RELL2: variants seen among roughly 807,000 people sequenced by gnomAD.
RELL2 encodes RELT like 2.
RELL2 carries 18 observed loss-of-function variants against 27.5 expected under a neutral mutation model. That is an observed-to-expected ratio of 0.65 (90% CI 0.45 to 0.97). The LOEUF (loss-of-function observed/expected upper bound fraction) is 0.97, where lower values mean the gene tolerates loss of function less well. RELL2 is among the 50% of genes least tolerant of loss of function. The probability of loss-of-function intolerance (pLI) is 0.00; values close to 1 mark genes in which losing one functional copy is unlikely to be tolerated. For synonymous variants in RELL2, 156 were observed against 147.5 expected, an observed-to-expected ratio of 1.06 and a Z score of -0.42; for missense variants, 370 against 397.5, an observed-to-expected ratio of 0.93 and a Z score of 0.59.
rs775375686 is a variant in RELL2, at chr5:141,638,420, A to G, written c.184+11A>G. On this transcript the variant is annotated intron_variant, in intron 1 of 6. Coordinates refer to ENST00000297164, the MANE Select transcript of RELL2 (RefSeq NM_173828.5). ...CCCAGCTTCAGCCCCGTGAGTGAGG[A>G]GCCTGGAACCCTGGCTCAGTCACCT... is the stretch of plus-strand genomic sequence containing the variant. The G allele has an allele frequency of 2.5e-6, 4 of 1,601,048 alleles. No homozygotes were observed. In the African/African-American group the frequency reaches 5.4e-5, roughly 21 times the overall value.
chr5:141,639,971 T>C lies in RELL2; in HGVS notation c.555T>C (p.Asp185=). 2 of 1,613,928 alleles carry C rather than the reference T, an allele frequency of 1.2e-6. No individual in the cohort carries two copies. The highest frequency in any genetic ancestry group is 1.7e-6 in the Non-Finnish European group (2 of 1,179,974). ...EKRYGLHEHR[D]GSPTDRSWGS... ...GCTATGGACTGCACGAACACCGTGA[T>C]GGCTCCCCCACAGACAGGAGCTGGG... The change falls in exon 5 of 7, where the codon GAT becomes GAC. Residue 185 remains aspartate (D), a synonymous_variant. Transcript: ENST00000297164. The surrounding 1 kb of genome is among the most constrained non-coding windows in gnomAD (Gnocchi z 4.4).
At position 141,638,982 on chromosome 5, in the gene RELL2, T is replaced by C; in HGVS notation, c.278T>C (p.Leu93Pro). The C allele has an allele frequency of 1.2e-6, 2 of 1,614,134 alleles. No individual in the cohort carries two copies. The highest frequency in any genetic ancestry group is 1.7e-6 in the Non-Finnish European group (2 of 1,179,986). ...AATGCTGAGGCCTTGAAGGAGATGC[T>C]GGGGGACAGTGAAGGAGAAGGGACA... is the stretch of plus-strand genomic sequence containing the variant. The part of the protein sequence containing the change: ...EANAEALKEM[L>P]GDSEGEGTVQ... Residue 93 changes from leucine to proline, a missense_variant, in exon 3 of 7, where the codon CTG becomes CCG. Leu to Pro is a moderately conservative substitution (Grantham distance 98). Coordinates refer to ENST00000297164, the MANE Select transcript of RELL2 (RefSeq NM_173828.5).
rs2099906703 is a variant in RELL2 at position 141,640,352 on chromosome 5, G to C, written c.879+57G>C. On this transcript the variant is annotated intron_variant, in intron 5 of 6. Transcript: ENST00000297164. ...TGGGCTCTTATTGCTCTCTACTCTG[G>C]GGGGCACTGATAGGACCTACTCCTG... The C allele has an allele frequency of 4.3e-6, 7 of 1,613,920 alleles. No homozygotes were observed. The South Asian group carries it at 4.4e-5, about 10-fold the overall frequency.
At position 141,639,913 on chromosome 5, in the gene RELL2, CT is replaced by C. The variant is rs1562380305; in HGVS notation, c.504-6del. The C allele has an allele frequency of 6.2e-6, 10 of 1,613,766 alleles. No individual in the cohort carries two copies. The highest frequency in any genetic ancestry group is 8.5e-6 in the Non-Finnish European group (10 of 1,179,976). ...GTCCTAAACCCCAGTGTTCCCTCCCCTCCCAGGTTCCGGGTGACACACATTG... is the reference window on the plus strand; with the variant it reads ...GTCCTAAACCCCAGTGTTCCCTCCCCCCCAGGTTCCGGGTGACACACATTG... On this transcript the variant is annotated splice_polypyrimidine_tract_variant and splice_region_variant and intron_variant, in intron 4 of 6. Transcript: ENST00000297164. The surrounding 1 kb of genome is among the most constrained non-coding windows in gnomAD (Gnocchi z 4.4).
rs1394847288 is a variant in RELL2 at position 141,638,041 on chromosome 5, CGAAA to C, written c.-184_-181del. 1 of 564,728 alleles carries C rather than the reference CGAAA, an allele frequency of 1.8e-6. No individual in the cohort carries two copies. The highest frequency in any genetic ancestry group is 1.9e-5 in the African/African-American group (1 of 53,182). 35.0% of individuals were successfully genotyped at this position (564,728 alleles called of 1,614,324 possible). On this transcript the variant is annotated 5_prime_UTR_variant, in exon 1 of 7. Coordinates refer to ENST00000297164, the MANE Select transcript of RELL2 (RefSeq NM_173828.5). ...TTGCCGCTGACCTCTTGCCGAAAGG[CGAAA>C]CAGCACTCCTGGCCCGGACAGCTCC... is the stretch of plus-strand genomic sequence containing the variant.
In RELL2 at chr5:141,640,794, A is replaced by C; in HGVS notation, c.*125A>C. The C allele has an allele frequency of 1.1e-6, 1 of 917,366 alleles. No homozygotes were observed. Among genetic ancestry groups the C allele is most frequent in the Middle Eastern group, 2.9e-4 (1 of 3,402 alleles). The allele number at this position is 917,366 out of a possible 1,614,324, so 56.8% of individuals were successfully genotyped here. A position where few individuals can be genotyped will look rare whatever the true frequency, so the allele number is the denominator to read the frequency against. On this transcript the variant is annotated 3_prime_UTR_variant, in exon 7 of 7. Transcript: ENST00000297164. The stretch of plus-strand genomic sequence containing the variant: ...AGGGACCAGCTCTACTTCCACCTGG[A>C]GTTGCACAGTCTCAGGCTGGGGGCC...
intron 1 of RELL2, among the ~76,000 whole-genome samples, 177 bp downstream of exon 1, chr5:141,638,586 G>C (rs911210495): frequency 6.6e-6 from 1 of 152,216 alleles, no homozygotes; most frequent in Non-Finnish European, 1.5e-5. Flanking sequence ...ACTAGAGAAA[G>C]CAGCATGGGC....
intron 1 of RELL2, 67 bp from the exon 2 acceptor site, chr5:141,638,728 C>T: frequency 7.5e-7 from 1 of 1,325,548 alleles, no homozygotes; most frequent in Middle Eastern, 1.8e-4. Context: ...ATGATGGGAG[C>T]CACCAGGTAA....
rs1267916462 is a variant in RELL2 at position 141,640,350 on chromosome 5, T to G, written c.879+55T>G. ...GCTGGGCTCTTATTGCTCTCTACTCTGGGGGGCACTGATAGGACCTACTCC... is the reference window on the plus strand; with the variant it reads ...GCTGGGCTCTTATTGCTCTCTACTCGGGGGGGCACTGATAGGACCTACTCC... On this transcript the variant is annotated intron_variant, in intron 5 of 6. Coordinates refer to ENST00000297164, the MANE Select transcript of RELL2 (RefSeq NM_173828.5). The G allele has an allele frequency of 1.9e-6, 3 of 1,613,866 alleles. No homozygotes were observed. In the Admixed American group the frequency reaches 5.0e-5, roughly 27 times the overall value.
rs1014787332 is a variant in RELL2, at chr5:141,638,103, C to T, written c.-123C>T. The T allele has an allele frequency of 7.3e-6, 5 of 688,740 alleles. No individual in the cohort carries two copies. The highest frequency in any genetic ancestry group is 7.1e-5 in the African/African-American group (4 of 56,104). 42.7% of individuals were successfully genotyped at this position (688,740 alleles called of 1,614,324 possible). The stretch of plus-strand genomic sequence containing the variant: ...GGTAGGGGGTGGGGCCGGACCTCAG[C>T]CGGACGTCTTAGACGTGCTTGTTTC... On this transcript the variant is annotated 5_prime_UTR_variant, in exon 1 of 7. Transcript: ENST00000297164.
chr5:141,638,824 G>C lies in RELL2; in HGVS notation c.214G>C (p.Val72Leu). The C allele has an allele frequency of 6.2e-7, 1 of 1,614,164 alleles. No homozygotes were observed. The highest frequency in any genetic ancestry group is 8.5e-7 in the Non-Finnish European group (1 of 1,179,998). ...GGACGATGACATGAATGAGGACACA[G>C]TAGAGAGGATTGTTCGCTGCATCAT... ...PEDDDMNEDT[V>L]ERIVRCIIQN... is the part of the protein sequence containing the mutation. The change falls in exon 2 of 7, where the codon GTA becomes CTA. Residue 72 changes from valine (V) to leucine (L), a missense_variant. Physicochemically the swap from Val to Leu is conservative, Grantham distance 32. Coordinates refer to ENST00000297164, the MANE Select transcript of RELL2 (RefSeq NM_173828.5).
chr5:141,638,451 C>T, intron 1 of RELL2, 42 bp downstream of exon 1: 1 of 1,551,986 alleles, frequency 6.4e-7, no homozygotes, highest in Non-Finnish European at 8.7e-7. Context: ...CACCTTTCAC[C>T]CTTCTCCCCA....
At position 141,639,966 on chromosome 5, in the gene RELL2, C is replaced by A. The variant is rs376262095; in HGVS notation, c.550C>A (p.Arg184Ser). Residue 184 changes from arginine (R) to serine (S), a missense_variant, in exon 5 of 7, where the codon CGT (arginine) becomes AGT (serine). Physicochemically the swap from Arg to Ser is moderately radical, Grantham distance 110. Coordinates refer to ENST00000297164, the MANE Select transcript of RELL2 (RefSeq NM_173828.5). This position sits in a 1 kb window ranked among gnomAD's most constrained non-coding sequence, Gnocchi z 4.4. The stretch of plus-strand genomic sequence containing the variant: ...GAAGCGCTATGGACTGCACGAACAC[C>A]GTGATGGCTCCCCCACAGACAGGAG... The part of the protein sequence containing the change: ...IEKRYGLHEH[R>S]DGSPTDRSWG... The A allele has an allele frequency of 1.9e-6, 3 of 1,613,970 alleles. No individual in the cohort carries two copies. The African/African-American group carries it at 4.0e-5, about 22-fold the overall frequency.
chr5:141,639,111 T>C lies in RELL2; in HGVS notation c.317+90T>C. Reference sequence around the variant, plus strand: ...AATCCTCTCCCAGCCTCCTTGCATGTATGGGGTTGGGGGAAGGGCAAAGCT... The same window carrying C: ...AATCCTCTCCCAGCCTCCTTGCATGCATGGGGTTGGGGGAAGGGCAAAGCT... On this transcript the variant is annotated intron_variant, in intron 3 of 6. Coordinates refer to ENST00000297164, the MANE Select transcript of RELL2 (RefSeq NM_173828.5). This position sits in a 1 kb window ranked among gnomAD's most constrained non-coding sequence, Gnocchi z 4.4. 8.5e-7 allele frequency: 1 copy of C among 1,173,508 alleles called. No individual in the cohort carries two copies. Among genetic ancestry groups the C allele is most frequent in the Non-Finnish European group, 1.2e-6 (1 of 820,044 alleles). 72.7% of individuals were successfully genotyped at this position (1,173,508 alleles called of 1,614,324 possible). A position where few individuals can be genotyped will look rare whatever the true frequency, so the allele number is the denominator to read the frequency against.
chr5:141,640,512 C>T, intron 6 of RELL2, 67 bp downstream of exon 6: 1 of 1,612,404 alleles, frequency 6.2e-7, no homozygotes. Context: ...CTATTTAAGC[C>T]TTTCGGCTCC....
In RELL2 at chr5:141,640,810, G is replaced by A. The variant is rs894930967; in HGVS notation, c.*141G>A. 1.2e-6 allele frequency: 1 copy of A among 804,826 alleles called. No homozygotes were observed. Among genetic ancestry groups the A allele is most frequent in the Non-Finnish European group, 1.9e-6 (1 of 521,122 alleles). The allele number at this position is 804,826 out of a possible 1,614,324, so 49.9% of individuals were successfully genotyped here. A position where few individuals can be genotyped will look rare whatever the true frequency, so the allele number is the denominator to read the frequency against. ...TCCACCTGGAGTTGCACAGTCTCAG[G>A]CTGGGGGCCTCAGGAGAGGTCACAG... On this transcript the variant is annotated 3_prime_UTR_variant, in exon 7 of 7. Transcript: ENST00000297164.
chr5:141,640,178 G>A lies in RELL2; in HGVS notation c.762G>A (p.Gly254=). ...GCCTAACCCCTCGTGCACTTGAAGG[G>A]AACCCCAGAGCTTCTGCAGAGCCAA... The part of the protein sequence containing the change: ...DSSLTPRALE[G]NPRASAEPTL... Residue 254 remains glycine, a synonymous_variant, in exon 5 of 7, where the codon GGG becomes GGA. Transcript: ENST00000297164. 6 of 1,614,164 alleles carry A rather than the reference G, an allele frequency of 3.7e-6. No homozygotes were observed. The highest frequency in any genetic ancestry group is 1.1e-5 in the South Asian group (1 of 91,088).
At position 141,640,978 on chromosome 5, in the gene RELL2, C is replaced by T. The variant is rs879261835; in HGVS notation, c.*309C>T. 4.4e-6 allele frequency: 2 copies of T among 456,986 alleles called. No individual in the cohort carries two copies. The highest frequency in any genetic ancestry group is 3.8e-5 in the Admixed American group (1 of 26,134). The allele number at this position is 456,986 out of a possible 1,614,324, so 28.3% of individuals were successfully genotyped here. On this transcript the variant is annotated 3_prime_UTR_variant, in exon 7 of 7. Coordinates refer to ENST00000297164, the MANE Select transcript of RELL2 (RefSeq NM_173828.5). ...CCCCTAAAGCAATAGCACCGTAGGC[C>T]CCCTGCCCTCTTAGCACAAGAGGCC...
rs548187714 is a variant in RELL2, at chr5:141,640,989, T to A, written c.*320T>A. The A allele has an allele frequency of 5.0e-5, 22 of 438,342 alleles. No individual in the cohort carries two copies. Among genetic ancestry groups the A allele is most frequent in the African/African-American group, 3.8e-4 (19 of 50,270 alleles). The allele number at this position is 438,342 out of a possible 1,614,324, so 27.2% of individuals were successfully genotyped here. A position where few individuals can be genotyped will look rare whatever the true frequency, so the allele number is the denominator to read the frequency against. ...ATAGCACCGTAGGCCCCCTGCCCTC[T>A]TAGCACAAGAGGCCCAGGCCCTGGC... On this transcript the variant is annotated 3_prime_UTR_variant, in exon 7 of 7. Coordinates refer to ENST00000297164, the MANE Select transcript of RELL2 (RefSeq NM_173828.5).
Sources: allele counts gnomAD v4.1 joint callset (sites outside exome capture counted in the v4.1 genomes callset), GRCh38; gene constraint gnomAD v4.1.1; non-coding constraint Gnocchi (gnomAD v3.1); transcripts MANE v1.5; gene names NCBI Gene and HGNC (gene_info 2026-07-23, HGNC 2026-07-21).